MPV17L: variants seen among roughly 807,000 people sequenced by gnomAD.
MPV17L encodes MPV17 mitochondrial inner membrane protein like.
In MPV17L, 24 loss-of-function variants were observed where a neutral mutation model predicts 25.8. The observed-to-expected ratio is 0.93, with a 90% confidence interval of 0.67 to 1.31. The LOEUF is 1.31. MPV17L is among the 50% of genes most tolerant of loss of function. The pLI, the probability that MPV17L is intolerant of heterozygous loss-of-function variation, is 0.00. For synonymous variants in MPV17L, 102 were observed against 115.3 expected (o/e 0.88, Z 0.74); for missense variants, 250 against 265.6 (o/e 0.94, Z 0.41).
At position 15,412,315 on chromosome 16, in the gene MPV17L, G is replaced by C. The variant is rs12920559; in HGVS notation, c.*4203G>C. On this transcript the variant is annotated 3_prime_UTR_variant, in exon 4 of 4. Transcript: ENST00000396385. ...GTGGTGGCTTGCACCTGTCCTCCCA[G>C]CTACTTGGGGGTGCTGAGGCAGGAG... 6.6e-6 allele frequency: 1 copy of C among 151,878 alleles called. No individual in the cohort carries two copies. Among genetic ancestry groups the C allele is most frequent in the African/African-American group, 2.4e-5 (1 of 41,316 alleles). The allele number at this position is 151,878 out of a possible 1,614,324, so 9.4% of individuals were successfully genotyped here.
At chr16:15,401,048 ATG>A (rs1255394647) in intron 2 of MPV17L, among the ~76,000 whole-genome samples, 191 bp downstream of exon 2, 33 of 72,432 alleles carry the variant, frequency 4.6e-4, no homozygotes, top group African/African-American at 1.8e-3. Context: ...ATTTTTTTGT[ATG>A]TGTGTGTGTA....
At chr16:15,396,271 C>A in intron 1 of MPV17L, 64 bp downstream of exon 1, 2 of 1,515,260 alleles carry the variant, frequency 1.3e-6, no homozygotes, top group Non-Finnish European at 1.8e-6. Flanking sequence ...GGCTGGGACT[C>A]GGGGATCAAG....
rs1180303795 is a variant in MPV17L, at chr16:15,410,230, T to A, written c.*2118T>A. ...ACTTTGGGAGGCTGAGGTGGGAGGA[T>A]TGCTTAAGGCAAGGAGTTTGAGACC... On this transcript the variant is annotated 3_prime_UTR_variant, in exon 4 of 4. Transcript: ENST00000396385. 2 of 152,066 alleles carry A rather than the reference T, an allele frequency of 1.3e-5. No individual in the cohort carries two copies. The highest frequency in any genetic ancestry group is 4.2e-4 in the South Asian group (2 of 4,818). The allele number at this position is 152,066 out of a possible 1,614,324, so 9.4% of individuals were successfully genotyped here. A position where few individuals can be genotyped will look rare whatever the true frequency, so the allele number is the denominator to read the frequency against.
rs369513368 is a variant in MPV17L at position 15,411,925 on chromosome 16, A to G, written c.*3813A>G. ...CGATAAATATAAAAAGTATTAAAGTACTAACAGAAGAAAATTTCCACTGAT... is the reference window on the plus strand; with the variant it reads ...CGATAAATATAAAAAGTATTAAAGTGCTAACAGAAGAAAATTTCCACTGAT... On this transcript the variant is annotated 3_prime_UTR_variant, in exon 4 of 4. Transcript: ENST00000396385. The G allele has an allele frequency of 2.6e-5, 4 of 152,338 alleles. No individual in the cohort carries two copies. The East Asian group carries it at 5.8e-4, about 22-fold the overall frequency. The allele number at this position is 152,338 out of a possible 1,614,324, so 9.4% of individuals were successfully genotyped here.
At chr16:15,402,568 G>GAAC (rs397699479) in intron 2 of MPV17L, among the ~76,000 whole-genome samples, 1 of 151,654 alleles carries the variant, frequency 6.6e-6, no homozygotes. Flanking sequence ...GTAACTATAA[G>GAAC]TGTGTTCAGA....
At chr16:15,401,088 T>TATATATATATATATATTTA (rs56114822) in intron 2 of MPV17L, among the ~76,000 whole-genome samples, 1 of 55,880 alleles carries the variant, frequency 1.8e-5, no homozygotes, top group Non-Finnish European at 4.2e-5. Flanking sequence ...ATATATATAT[T>TATATATATATATATATTTA]TTTTTTTTTT....
chr16:15,402,089 A>C (rs2050643906), intron 2 of MPV17L, among the ~76,000 whole-genome samples: 1 of 152,216 alleles, frequency 6.6e-6, no homozygotes, highest in South Asian at 2.1e-4. Context: ...GGTGAAAAGA[A>C]CTTTAACATC....
At chr16:15,401,258 A>C (rs1472307215) in intron 2 of MPV17L, among the ~76,000 whole-genome samples, 1 of 151,280 alleles carries the variant, frequency 6.6e-6, no homozygotes, top group Admixed American at 6.6e-5. Context: ...GACTACAGGC[A>C]TGTGCCACCA....
At chr16:15,397,658 G>A (rs2050599036) in intron 1 of MPV17L, among the ~76,000 whole-genome samples, 1 of 152,140 alleles carries the variant, frequency 6.6e-6, no homozygotes, top group African/African-American at 2.4e-5. Context: ...CTTCTCCTAA[G>A]GGCTGTTGGT....
intron 2 of MPV17L, among the ~76,000 whole-genome samples, chr16:15,404,559 G>A (rs1218435534): frequency 2.0e-5 from 3 of 152,028 alleles, no homozygotes; most frequent in East Asian, 1.9e-4. Flanking sequence ...GGTGGCTCAC[G>A]CCTGTAATCT....
intron 2 of MPV17L, among the ~76,000 whole-genome samples, chr16:15,403,829 G>T (rs1312863558): frequency 6.6e-6 from 1 of 152,068 alleles, no homozygotes; most frequent in Non-Finnish European, 1.5e-5. Flanking sequence ...AAGAAAGAGG[G>T]CAAACCAGTA....
intron 1 of MPV17L, among the ~76,000 whole-genome samples, chr16:15,398,719 G>A (rs2050608671): frequency 2.0e-5 from 3 of 150,880 alleles, no homozygotes; most frequent in Non-Finnish European, 4.4e-5. Flanking sequence ...TGCCCCTCCT[G>A]AGTAGCTGGG....
intron 2 of MPV17L, among the ~76,000 whole-genome samples, chr16:15,403,702 A>G (rs1416506990): frequency 6.6e-6 from 1 of 151,700 alleles, no homozygotes; most frequent in Non-Finnish European, 1.5e-5. Flanking sequence ...CAGGAAGTAG[A>G]ATTGGGAAAG....
intron 2 of MPV17L, among the ~76,000 whole-genome samples, chr16:15,401,488 G>A (rs1007975528): frequency 1.3e-5 from 2 of 152,186 alleles, no homozygotes; most frequent in South Asian, 2.1e-4. Flanking sequence ...ATGAGGAGAG[G>A]TTTTAAGAGT....
At chr16:15,407,622 ATC>A (rs1354819589) in intron 2 of MPV17L, among the ~76,000 whole-genome samples, 200 bp from the exon 3 acceptor site, 1 of 152,090 alleles carries the variant, frequency 6.6e-6, no homozygotes, top group East Asian at 1.9e-4. Flanking sequence ...TGTGCCTGTA[ATC>A]GCAGATACTC....
At chr16:15,402,972 T>C (rs2050650288) in intron 2 of MPV17L, among the ~76,000 whole-genome samples, 1 of 152,102 alleles carries the variant, frequency 6.6e-6, no homozygotes, top group South Asian at 2.1e-4. Flanking sequence ...TGAATCACCA[T>C]ACCCAGCCAC....
At chr16:15,401,993 A>G (rs1193224987) in intron 2 of MPV17L, among the ~76,000 whole-genome samples, 1 of 152,176 alleles carries the variant, frequency 6.6e-6, no homozygotes, top group African/African-American at 2.4e-5. Flanking sequence ...TATTTGCAAA[A>G]TAGAGATTAT....
intron 1 of MPV17L, among the ~76,000 whole-genome samples, chr16:15,396,436 C>T: frequency 6.6e-6 from 1 of 152,054 alleles, no homozygotes; most frequent in Admixed American, 6.5e-5. Context: ...GCTGGGGAGC[C>T]GAGAAATTGG....
In MPV17L at chr16:15,407,039, A is replaced by G. The variant is rs555330349; in HGVS notation, c.382-785A>G. Among the ~76,000 whole-genome samples, 840 of 152,188 alleles carry G rather than the reference A, an allele frequency of 5.5e-3. 12 individuals carry two copies. Among genetic ancestry groups the G allele is most frequent in the Non-Finnish European group, 7.2e-3 (489 of 68,008 alleles). On this transcript the variant is annotated intron_variant, in intron 2 of 3. Transcript: ENST00000396385. ...TGCTTTTGCCTGGGAGTTCAAGACC[A>G]GCCTGGGCAACATAGAGATACCATG... is the stretch of plus-strand genomic sequence containing the variant.
Sources: allele counts gnomAD v4.1 joint callset (sites outside exome capture counted in the v4.1 genomes callset), GRCh38; gene constraint gnomAD v4.1.1; transcripts MANE v1.5; gene names NCBI Gene and HGNC (gene_info 2026-07-23, HGNC 2026-07-21).